The following PRDM2 variants were observed in gnomAD, a reference collection of about 807,000 sequenced individuals.
PRDM2 encodes the protein PR/SET domain 2.
In PRDM2, 30 loss-of-function variants were observed where a neutral mutation model predicts 130.0. The observed-to-expected ratio is 0.23, with a 90% confidence interval of 0.17 to 0.31. PRDM2 has a LOEUF of 0.31. PRDM2 is among the 10% of genes least tolerant of loss of function. PRDM2 has a pLI of 1.00. For missense variants in PRDM2, 2,011 were observed against 2,108.4 expected (o/e 0.95, Z 0.90); for synonymous variants, 871 against 782.4 (o/e 1.11, Z -1.89).
intron 8 of PRDM2, among the ~76,000 whole-genome samples, chr1:13,796,449 T>C (rs1159268547): frequency 1.3e-5 from 2 of 152,230 alleles, no homozygotes; most frequent in Non-Finnish European, 2.9e-5. Flanking sequence ...GGACATGGTT[T>C]GCTCACTCAT....
At chr1:13,770,378 A>G (rs1441150328) in intron 6 of PRDM2, 3 of 464,492 alleles carry the variant, frequency 6.5e-6, no homozygotes, top group Non-Finnish European at 1.3e-5. Context: ...TGGTATTAAG[A>G]TTGTACTTCC....
chr1:13,712,677 A>AAC (rs1255842556), intron 1 of PRDM2, among the ~76,000 whole-genome samples: 1 of 152,144 alleles, frequency 6.6e-6, no homozygotes, highest in African/African-American at 2.4e-5. Flanking sequence ...GAATTGCTTG[A>AAC]ACCCTGGAAG....
intron 2 of PRDM2, among the ~76,000 whole-genome samples, chr1:13,721,308 A>G (rs1419481065): frequency 6.6e-6 from 1 of 152,132 alleles, no homozygotes; most frequent in African/African-American, 2.4e-5. Context: ...TCTATCTTTC[A>G]TCTTAGTTAT....
chr1:13,790,921 G>T (rs1644828700), intron 8 of PRDM2, among the ~76,000 whole-genome samples: 2 of 152,262 alleles, frequency 1.3e-5, no homozygotes, highest in South Asian at 4.1e-4. Flanking sequence ...GCTTTCCAAT[G>T]CCTGCTGTTT....
rs147907611 is a variant in PRDM2, at chr1:13,782,418, C to T, written c.4623C>T (p.Pro1541=). 3.5e-5 allele frequency: 57 copies of T among 1,614,036 alleles called. No homozygotes were observed. In the African/African-American group the frequency reaches 6.9e-4, roughly 20 times the overall value. The change falls in exon 8 of 10, where the codon CCC becomes CCT. Residue 1541 remains proline (P), a synonymous_variant. Transcript: ENST00000311066. ...LGKTRARSSG[P]TQVPLPSSSF... ...AGACCAGAGCCCGCAGCTCAGGCCC[C>T]ACCCAAGTCCCACTTCCCTCCTCAT...
chr1:13,815,484 C>G (rs1645242965), intron 8 of PRDM2, among the ~76,000 whole-genome samples: 1 of 147,854 alleles, frequency 6.8e-6, no homozygotes, highest in African/African-American at 2.5e-5. Context: ...CTTGGGATCT[C>G]AGAGCTCATG....
At chr1:13,820,053 A>G (rs145148320) in intron 9 of PRDM2, among the ~76,000 whole-genome samples, 5 of 152,286 alleles carry the variant, frequency 3.3e-5, no homozygotes, top group African/African-American at 1.2e-4. Context: ...CAAAGCCCTC[A>G]TTTTACAGAG....
At chr1:13,749,635 A>G (rs1309340557) in intron 6 of PRDM2, 148 bp downstream of exon 6, 6 of 330,724 alleles carry the variant, frequency 1.8e-5, no homozygotes, top group Non-Finnish European at 2.5e-5. Context: ...CCTTTTCCGG[A>G]CTCGGCCCTG....
rs575006115 is a variant in PRDM2 at position 13,800,270 on chromosome 1, AAC to A, written c.5037-16153_5037-16152del. Among the ~76,000 whole-genome samples, 436 of 152,324 alleles carry A rather than the reference AAC, an allele frequency of 2.9e-3. 4 individuals are homozygous for A. The highest frequency in any genetic ancestry group is 9.9e-3 in the African/African-American group (412 of 41,580). ...TGATAAATGCTAGGGAGAGAAATAA[AAC>A]ACAGATGCGGGAATAGAGACTTCTG... On this transcript the variant is annotated intron_variant, in intron 8 of 9. Transcript: ENST00000311066.
intron 7 of PRDM2, among the ~76,000 whole-genome samples, chr1:13,774,539 GT>G (rs978182413): frequency 2.6e-5 from 4 of 151,944 alleles, no homozygotes; most frequent in Non-Finnish European, 5.9e-5. Flanking sequence ...TGTGCCGAGA[GT>G]TTTTTTTGAA....
intron 6 of PRDM2, among the ~76,000 whole-genome samples, chr1:13,762,105 T>G (rs1035052630): frequency 2.0e-5 from 3 of 152,224 alleles, no homozygotes; most frequent in African/African-American, 7.2e-5. Context: ...TACAATCGAT[T>G]CCATTTATTG....
intron 2 of PRDM2, among the ~76,000 whole-genome samples, chr1:13,727,324 G>A (rs1014476599): frequency 2.6e-5 from 4 of 151,916 alleles, no homozygotes; most frequent in South Asian, 2.1e-4. Flanking sequence ...GCACGATCTC[G>A]GCTCATTGCA....
intron 8 of PRDM2, among the ~76,000 whole-genome samples, chr1:13,786,073 T>C (rs1644731953): frequency 6.6e-6 from 1 of 151,924 alleles, no homozygotes; most frequent in Non-Finnish European, 1.5e-5. Context: ...CTCCTGACCT[T>C]ATGATCCGCC....
At chr1:13,716,475 G>A (rs1240381333) in intron 2 of PRDM2, among the ~76,000 whole-genome samples, 1 of 152,006 alleles carries the variant, frequency 6.6e-6, no homozygotes, top group African/African-American at 2.4e-5. Flanking sequence ...AAAAAGAGAG[G>A]ATTAAAAGTT....
chr1:13,790,832 C>T (rs947538251), intron 8 of PRDM2, among the ~76,000 whole-genome samples: 1 of 152,042 alleles, frequency 6.6e-6, no homozygotes, highest in Admixed American at 6.6e-5. Flanking sequence ...CTTCCTCCCT[C>T]CCCCCCTTCT....
intron 7 of PRDM2, among the ~76,000 whole-genome samples, chr1:13,776,508 C>G (rs1415619459): frequency 6.6e-6 from 1 of 152,166 alleles, no homozygotes; most frequent in Non-Finnish European, 1.5e-5. Flanking sequence ...TTCTTCCAGT[C>G]TCTTCTCCAT....
rs1644611346 is a variant in PRDM2, at chr1:13,781,471, A to G, written c.3676A>G (p.Ser1226Gly). The change falls in exon 8 of 10, where the codon AGC becomes GGC. Residue 1226 changes from serine to glycine, a missense_variant. Physicochemically the swap from Ser to Gly is moderately conservative, Grantham distance 56. This residue lies in a region of PRDM2 where 229 missense variants were observed against 364.1 expected (regional missense o/e 0.63). Transcript: ENST00000311066. This position sits in a 1 kb window ranked among gnomAD's most constrained non-coding sequence, Gnocchi z 6.1. ...DKVCTHHEFESGTLRPQNFTD... is the reference protein window; with the variant it reads ...DKVCTHHEFEGGTLRPQNFTD... The stretch of plus-strand genomic sequence containing the variant: ...GGTGTGCACACATCACGAGTTTGAA[A>G]GCGGGACTCTGAGGCCCCAGAACTT... 2.5e-6 allele frequency: 4 copies of G among 1,613,552 alleles called. No individual in the cohort carries two copies. The highest frequency in any genetic ancestry group is 1.6e-4 in the Middle Eastern group (1 of 6,084).
chr1:13,731,412 C>T (rs1459307352), intron 3 of PRDM2, among the ~76,000 whole-genome samples: 1 of 152,194 alleles, frequency 6.6e-6, no homozygotes, highest in Non-Finnish European at 1.5e-5. Context: ...TGCTGAGCCT[C>T]ACCCCACAGA....
intron 1 of PRDM2, among the ~76,000 whole-genome samples, chr1:13,702,955 C>T (rs925118084): frequency 2.0e-5 from 3 of 152,298 alleles, no homozygotes; most frequent in Middle Eastern, 3.4e-3. Flanking sequence ...AGGGACATCA[C>T]CTGACTGTCC....
Sources: gnomAD v4.1 joint callset for allele counts (sites outside exome capture counted in the v4.1 genomes callset) on GRCh38, gnomAD v4.1.1 for gene constraint, gnomAD v4.1.1 regional missense constraint, Gnocchi (gnomAD v3.1) non-coding constraint, MANE v1.5 for transcripts, NCBI Gene and HGNC (gene_info 2026-07-23, HGNC 2026-07-21) for gene names.